SIGIRR: variants seen among roughly 807,000 people sequenced by gnomAD.
SIGIRR encodes the protein single Ig and TIR domain containing, also known as single Ig IL-1-related receptor.
In SIGIRR, 41 loss-of-function variants were observed where a neutral mutation model predicts 45.6. The observed-to-expected ratio is 0.90, with a 90% confidence interval of 0.70 to 1.17. The LOEUF is 1.17. SIGIRR is among the 50% of genes most tolerant of loss of function. The pLI is 0.00. For missense variants in SIGIRR, 599 were observed against 539.6 expected (o/e 1.11, Z -1.09); for synonymous variants, 298 against 239.0 (o/e 1.25, Z -2.28).
chr11:407,299 G>GCGGGGCGGGC, intron 6 of SIGIRR, 126 bp downstream of exon 6: 3 of 733,862 alleles, frequency 4.1e-6, no homozygotes, highest in Non-Finnish European at 6.0e-6. Flanking sequence ...TTGAGGCGGG[G>GCGGGGCGGGC]CCTCGGGTGG....
In SIGIRR at chr11:406,926, G is replaced by A. The variant is rs1336291856; in HGVS notation, c.796C>T (p.Arg266Cys). ...PIFITFEGQR[R>C]DPAHPALRLL... ...CGGAGCGCCGGGTGCGCGGGGTCGC[G>A]CCTCTGGCCCTCGAAGGTGATGAAG... Residue 266 changes from arginine (R) to cysteine (C), a missense_variant, in exon 8 of 10, where the codon CGC becomes TGC. By Grantham distance (180) the Arg-to-Cys change is radical (BLOSUM62 -3). Transcript: ENST00000431843. 3 of 1,598,342 alleles carry A rather than the reference G, an allele frequency of 1.9e-6. No homozygotes were observed. Among genetic ancestry groups the A allele is most frequent in the Non-Finnish European group, 2.5e-6 (3 of 1,176,850 alleles).
Position 408,724 on chromosome 11 carries a change from C to T in SIGIRR, c.177G>A (p.Gly59=). ...WLKDGLPLGI[G]GHYSLHEYSW... is the part of the protein sequence containing the mutation. ...AGTACTCGTGGAGGCTGTAGTGGCC[C>T]CCAATTCCCAATGGAAGCCCGTCTT... Residue 59 remains glycine (G), a synonymous_variant, in exon 3 of 10, where the codon GGG becomes GGA. Coordinates refer to ENST00000431843, the MANE Select transcript of SIGIRR (RefSeq NM_001135054.2). The T allele has an allele frequency of 6.2e-7, 1 of 1,612,772 alleles. No individual in the cohort carries two copies. Among genetic ancestry groups the T allele is most frequent in the Non-Finnish European group, 8.5e-7 (1 of 1,179,952 alleles).
In SIGIRR at chr11:408,708, G is replaced by A. The variant is rs529896396; in HGVS notation, c.193C>T (p.His65Tyr). Residue 65 changes from histidine (H) to tyrosine (Y), a missense_variant, in exon 3 of 10, where the codon CAC becomes TAC. By Grantham distance (83) the His-to-Tyr change is moderately conservative. Coordinates refer to ENST00000431843, the MANE Select transcript of SIGIRR (RefSeq NM_001135054.2). ...CGGGTCTCTTACCAGGAGTACTCGTGGAGGCTGTAGTGGCCCCCAATTCCC... is the reference window on the plus strand; with the variant it reads ...CGGGTCTCTTACCAGGAGTACTCGTAGAGGCTGTAGTGGCCCCCAATTCCC... ...PLGIGGHYSL[H>Y]EYSWVKANLS... The A allele has an allele frequency of 8.1e-6, 13 of 1,612,720 alleles. No homozygotes were observed. The South Asian group carries it at 8.8e-5, about 11-fold the overall frequency.
chr11:409,966 C>G lies in SIGIRR; in HGVS notation c.-92G>C. The G allele has an allele frequency of 8.0e-6, 10 of 1,253,694 alleles. No homozygotes were observed. The highest frequency in any genetic ancestry group is 1.0e-5 in the Non-Finnish European group (10 of 996,246). The allele number at this position is 1,253,694 out of a possible 1,614,324, so 77.7% of individuals were successfully genotyped here. ...CTCGGCCAGCAGACTGATCCAAGAG[C>G]TGGGCAGGACTCCTCTCTGTCCTTG... On this transcript the variant is annotated 5_prime_UTR_variant, in exon 2 of 10. Transcript: ENST00000431843.
chr11:406,814 C>A (rs1404047943), intron 8 of SIGIRR, 29 bp downstream of exon 8: 2 of 1,500,776 alleles, frequency 1.3e-6, no homozygotes, highest in South Asian at 2.5e-5. Flanking sequence ...CCGCCGCTAG[C>A]CCCGGACCCT....
At chr11:413,742 T>C (rs1590392356) in intron 1 of SIGIRR, among the ~76,000 whole-genome samples, 3 of 65,764 alleles carry the variant, frequency 4.6e-5, no homozygotes, top group African/African-American at 1.3e-4. Flanking sequence ...CCCTGCTCCC[T>C]CTCCCCTACG....
At chr11:416,488 G>A (rs1047901770), upstream of SIGIRR, among the ~76,000 whole-genome samples, 1 of 152,028 alleles carries the variant, frequency 6.6e-6, no homozygotes. This position sits in a 1 kb window ranked among gnomAD's most constrained non-coding sequence, Gnocchi z 9.1. Context: ...TGGTCGCCTC[G>A]CACTGCCCAC....
intron 3 of SIGIRR, 65 bp downstream of exon 3, chr11:408,630 A>G: frequency 6.3e-7 from 1 of 1,580,108 alleles, no homozygotes; most frequent in South Asian, 1.1e-5. Flanking sequence ...GGCATAGGTC[A>G]GGGAGACCAC....
Position 408,703 on chromosome 11 carries a change from C to T in SIGIRR, c.198G>A (p.Glu66=), listed in dbSNP as rs751869279. The T allele has an allele frequency of 1.9e-6, 3 of 1,612,548 alleles. No homozygotes were observed. The highest frequency in any genetic ancestry group is 1.3e-5 in the African/African-American group (1 of 74,908). ...ATACCCGGGTCTCTTACCAGGAGTA[C>T]TCGTGGAGGCTGTAGTGGCCCCCAA... is the stretch of plus-strand genomic sequence containing the variant. ...LGIGGHYSLH[E]YSWVKANLSE... The change falls in exon 3 of 10, where the codon GAG becomes GAA. Residue 66 remains glutamate, a synonymous_variant. Transcript: ENST00000431843.
rs140776836 is a variant in SIGIRR at position 406,507 on chromosome 11, T to G, written c.911A>C (p.Gln304Pro). Residue 304 changes from glutamine (Q) to proline (P), a missense_variant, in exon 9 of 10, where the codon CAG becomes CCG. By Grantham distance (76) the Gln-to-Pro change is moderately conservative. Transcript: ENST00000431843. ...TPSSDFWKEV[Q>P]LALPRKVQYR... Reference sequence around the variant, plus strand: ...CTGCACCTTCCGCGGCAGCGCCAGCTGCACTTCTTTCCAAAAATCGGAGGA... The same window carrying G: ...CTGCACCTTCCGCGGCAGCGCCAGCGGCACTTCTTTCCAAAAATCGGAGGA... 1,105 of 1,610,360 alleles carry G rather than the reference T, an allele frequency of 6.9e-4. 1 individual carries two copies. Among genetic ancestry groups the G allele is most frequent in the Non-Finnish European group, 8.2e-4 (963 of 1,178,066 alleles).
chr11:408,332 G>T lies in SIGIRR; in HGVS notation c.207-126C>A, dbSNP rs1847447194. On this transcript the variant is annotated intron_variant, in intron 3 of 9. Transcript: ENST00000431843. ...CTCCTGGGTGGTTCTTGGGCCTTAA[G>T]CCAAGAGAAGTGACCTGAACCTGGA... The T allele has an allele frequency of 2.4e-5, 30 of 1,272,920 alleles. No homozygotes were observed. In the South Asian group the frequency reaches 4.3e-4, roughly 18 times the overall value. 78.9% of individuals were successfully genotyped at this position (1,272,920 alleles called of 1,614,324 possible).
rs1410814233 is a variant in SIGIRR, at chr11:405,980, G to A, written c.1149C>T (p.Ser383=). The A allele has an allele frequency of 2.5e-6, 4 of 1,612,156 alleles. No homozygotes were observed. In the Admixed American group the frequency reaches 5.0e-5, roughly 20 times the overall value. Reference sequence around the variant, plus strand: ...AGCCGAGATCCGAGACGTCCACTTCGCTGCTCCGGCTCTCTCCCAGCGAGA... The same window carrying A: ...AGCCGAGATCCGAGACGTCCACTTCACTGCTCCGGCTCTCTCCCAGCGAGA... The part of the protein sequence containing the change: ...SGVSLGESRS[S]EVDVSDLGSR... The change falls in exon 10 of 10, where the codon AGC becomes AGT. Residue 383 remains serine (S), a synonymous_variant. Transcript: ENST00000431843.
chr11:407,112 C>CCA lies in SIGIRR; in HGVS notation c.677_678insTG (p.Val227GlyfsTer8). The CCA allele has an allele frequency of 3.2e-6, 5 of 1,573,318 alleles. No homozygotes were observed. Among genetic ancestry groups the CCA allele is most frequent in the South Asian group, 1.2e-5 (1 of 86,338 alleles). On this transcript the variant is annotated frameshift_variant, in exon 7 of 10. Transcript: ENST00000431843. LOFTEE classifies it high-confidence loss of function. The stretch of plus-strand genomic sequence containing the variant: ...GGCTCAGGAAGGCGTCCGAAAGCAC[C>CCA]ACGATGAGGCGTCGGCAGCGGCTCA...
rs1187220561 is a variant in SIGIRR, at chr11:405,756, C to CT, written c.*139_*140insA. 2.9e-6 allele frequency: 3 copies of CT among 1,050,310 alleles called. No individual in the cohort carries two copies. In the African/African-American group the frequency reaches 4.8e-5, roughly 17 times the overall value. The allele number at this position is 1,050,310 out of a possible 1,614,324, so 65.1% of individuals were successfully genotyped here. A position where few individuals can be genotyped will look rare whatever the true frequency, so the allele number is the denominator to read the frequency against. ...CTTTATTTTCTGGCACTGGGAGGCG[C>CT]CCTGAGGCCACAGCCTTTTCCCAGG... On this transcript the variant is annotated 3_prime_UTR_variant, in exon 10 of 10. Transcript: ENST00000431843.
chr11:411,558 AGG>A (rs1356397460), intron 1 of SIGIRR, among the ~76,000 whole-genome samples: 1 of 25,146 alleles, frequency 4.0e-5, no homozygotes, highest in Admixed American at 5.9e-4. Context: ...GCAGTCGGGG[AGG>A]GGGGTGCCCA....
In SIGIRR at chr11:412,874, G is replaced by A. The variant is rs138081062; in HGVS notation, c.-154+1949C>T. Among the ~76,000 whole-genome samples the A allele has an allele frequency of 4.7e-3, 722 of 152,216 alleles. 9 individuals are homozygous for A. The highest frequency in any genetic ancestry group is 0.016 in the African/African-American group (684 of 41,518). On this transcript the variant is annotated intron_variant, in intron 1 of 9. Coordinates refer to ENST00000431843, the MANE Select transcript of SIGIRR (RefSeq NM_001135054.2). ...TGAGGCCGGAGGGTGAACAGCGCCC[G>A]GTGGGGATGGAGGTCTCGGGTCCCA...
At chr11:406,280 CCT>C in intron 9 of SIGIRR, 67 bp downstream of exon 9, 1 of 1,567,938 alleles carries the variant, frequency 6.4e-7, no homozygotes. Flanking sequence ...GGCCCTGTGC[CCT>C]GTGCCTGCCC....
chr11:406,908 C>A lies in SIGIRR; in HGVS notation c.814G>T (p.Ala272Ser). 2 of 1,592,050 alleles carry A rather than the reference C, an allele frequency of 1.3e-6. No homozygotes were observed. The highest frequency in any genetic ancestry group is 1.1e-5 in the South Asian group (1 of 89,202). Residue 272 changes from alanine (A) to serine (S), a missense_variant, in exon 8 of 10, where the codon GCG (alanine) becomes TCG (serine). Coordinates refer to ENST00000431843, the MANE Select transcript of SIGIRR (RefSeq NM_001135054.2). ...CGGTGCTGGCGCAGCAGGCGGAGCG[C>A]CGGGTGCGCGGGGTCGCGCCTCTGG... ...EGQRRDPAHP[A>S]LRLLRQHRHL...
intron 1 of SIGIRR, among the ~76,000 whole-genome samples, chr11:414,378 C>T (rs1460467084): frequency 1.3e-5 from 2 of 149,430 alleles, no homozygotes; most frequent in Non-Finnish European, 3.0e-5. Flanking sequence ...CCCTCCCCTC[C>T]CTAACTTCCC....
Sources: gnomAD v4.1 joint callset for allele counts (sites outside exome capture counted in the v4.1 genomes callset) on GRCh38, gnomAD v4.1.1 for gene constraint, Gnocchi (gnomAD v3.1) non-coding constraint, MANE v1.5 for transcripts, NCBI Gene and HGNC (gene_info 2026-07-23, HGNC 2026-07-21) for gene names.